RASGRP3: variants seen among roughly 807,000 people sequenced by gnomAD.
RASGRP3 encodes the protein RAS guanyl releasing protein 3.
A neutral mutation model predicts 82.7 loss-of-function variants in RASGRP3; 54 were observed. The ratio of observed to expected loss-of-function variants is 0.65; its 90% CI spans 0.52 to 0.82. The LOEUF (loss-of-function observed/expected upper bound fraction) is 0.82. RASGRP3 is among the 40% of genes least tolerant of loss of function. The probability of loss-of-function intolerance (pLI) is 0.00; values close to 1 mark genes in which losing one functional copy is unlikely to be tolerated. For synonymous variants in RASGRP3, 309 were observed against 300.5 expected, an observed-to-expected ratio of 1.03 and a Z score of -0.29; for missense variants, 861 against 828.9, an observed-to-expected ratio of 1.04 and a Z score of -0.48.
At chr2:33,455,345 C>T (rs1050838734) in intron 2 of RASGRP3, among the ~76,000 whole-genome samples, 21 of 152,172 alleles carry the variant, frequency 1.4e-4, no homozygotes, top group African/African-American at 4.1e-4. Flanking sequence ...GTTACTGTCC[C>T]TTGAGTGGAT....
chr2:33,522,470 G>A (rs78577498), intron 7 of RASGRP3, among the ~76,000 whole-genome samples: 7,076 of 152,238 alleles, frequency 0.046, 227 homozygotes, highest in South Asian at 0.12. Context: ...AGTTAGGTTC[G>A]GATTTGTATA....
chr2:33,519,202 A>G (rs948839138), intron 4 of RASGRP3, among the ~76,000 whole-genome samples: 1 of 152,214 alleles, frequency 6.6e-6, no homozygotes, highest in African/African-American at 2.4e-5. Context: ...GAATTTTTCA[A>G]TCCCACTATA....
intron 13 of RASGRP3, among the ~76,000 whole-genome samples, chr2:33,547,770 C>T (rs1674943680): frequency 2.0e-5 from 3 of 152,012 alleles, no homozygotes; most frequent in South Asian, 4.2e-4. Context: ...TTCAGGGACT[C>T]GCCTCCTACA....
intron 1 of RASGRP3, among the ~76,000 whole-genome samples, chr2:33,496,085 A>G (rs962569788): frequency 2.6e-5 from 4 of 152,248 alleles, no homozygotes; most frequent in Non-Finnish European, 5.9e-5. Context: ...TATGGCCCTA[A>G]CAAAAAATAT....
intron 17 of RASGRP3, among the ~76,000 whole-genome samples, chr2:33,561,976 TATC>T (rs1450338666): frequency 6.6e-6 from 1 of 152,172 alleles, no homozygotes; most frequent in Non-Finnish European, 1.5e-5. Context: ...AACAAATACT[TATC>T]ATAAAAGGGT....
chr2:33,494,943 C>G (rs986252201), intron 1 of RASGRP3, among the ~76,000 whole-genome samples: 1 of 152,166 alleles, frequency 6.6e-6, no homozygotes, highest in African/African-American at 2.4e-5. Flanking sequence ...GCAGAAATCT[C>G]CAAATTTACT....
intron 2 of RASGRP3, among the ~76,000 whole-genome samples, chr2:33,465,481 C>T (rs1666644454): frequency 6.6e-6 from 1 of 152,156 alleles, no homozygotes; most frequent in South Asian, 2.1e-4. Flanking sequence ...TATGATGACA[C>T]CACTGCACTC....
intron 2 of RASGRP3, among the ~76,000 whole-genome samples, chr2:33,450,814 C>CTTTTTT (rs1665745631): frequency 3.3e-5 from 1 of 30,658 alleles, no homozygotes; most frequent in Non-Finnish European, 7.9e-5. Flanking sequence ...TTTTCTCTTT[C>CTTTTTT]TTTCTTTCTT....
chr2:33,550,973 C>G (rs976007928), intron 14 of RASGRP3, among the ~76,000 whole-genome samples: 1 of 152,190 alleles, frequency 6.6e-6, no homozygotes. Context: ...TGAAGTTCTT[C>G]TTTAGTATCT....
At chr2:33,504,605 T>A (rs1670178169) in intron 1 of RASGRP3, among the ~76,000 whole-genome samples, 1 of 152,202 alleles carries the variant, frequency 6.6e-6, no homozygotes, top group Non-Finnish European at 1.5e-5. Flanking sequence ...AAAATTCTTG[T>A]TTTCAAATCC....
intron 1 of RASGRP3, among the ~76,000 whole-genome samples, chr2:33,508,167 T>A (rs969212323): frequency 5.3e-5 from 8 of 152,090 alleles, no homozygotes; most frequent in African/African-American, 1.9e-4. Context: ...GAGAAACAAG[T>A]TTGTGGGAGG....
At chr2:33,446,960 G>A (rs1326118400) in intron 1 of RASGRP3, among the ~76,000 whole-genome samples, 1 of 151,956 alleles carries the variant, frequency 6.6e-6, no homozygotes, top group African/African-American at 2.4e-5. Context: ...TGGCTAACGC[G>A]GTGAAACCCC....
intron 2 of RASGRP3, among the ~76,000 whole-genome samples, chr2:33,464,969 A>G (rs1666606571): frequency 6.6e-6 from 1 of 152,198 alleles, no homozygotes; most frequent in Admixed American, 6.5e-5. Context: ...TAGGCCAGTT[A>G]ATAATCTTAA....
chr2:33,512,113 G>A (rs570690792), intron 2 of RASGRP3, among the ~76,000 whole-genome samples: 2 of 152,338 alleles, frequency 1.3e-5, no homozygotes, highest in South Asian at 4.1e-4. Context: ...GCAGGTGACA[G>A]AAGGTGGAGC....
At chr2:33,439,406 G>A (rs1466386410) in intron 1 of RASGRP3, among the ~76,000 whole-genome samples, 1 of 152,120 alleles carries the variant, frequency 6.6e-6, no homozygotes. Flanking sequence ...GGACATCTAT[G>A]ATAAGAATGG....
intron 1 of RASGRP3, among the ~76,000 whole-genome samples, chr2:33,447,012 C>T (rs924356443): frequency 2.0e-5 from 3 of 147,434 alleles, no homozygotes; most frequent in African/African-American, 7.5e-5. Context: ...GTGTTGGTGG[C>T]GGGTGCCTGT....
intron 1 of RASGRP3, among the ~76,000 whole-genome samples, chr2:33,491,367 AAAAG>A (rs1217530843): frequency 1.3e-5 from 2 of 152,204 alleles, no homozygotes; most frequent in Non-Finnish European, 1.5e-5. Context: ...CCAGAAAAAA[AAAAG>A]AAACAAGATA....
chr2:33,505,422 C>G (rs888145759), intron 1 of RASGRP3, among the ~76,000 whole-genome samples: 1 of 151,888 alleles, frequency 6.6e-6, no homozygotes, highest in African/African-American at 2.4e-5. Context: ...CCTGCCTCAG[C>G]CTCCTGAGTA....
chr2:33,534,213 C>T, intron 10 of RASGRP3, 110 bp from the exon 11 acceptor site: 1 of 719,482 alleles, frequency 1.4e-6, no homozygotes, highest in Non-Finnish European at 2.4e-6. Context: ...TGCATTTACT[C>T]AAATTATTAG....
Sources: allele counts gnomAD v4.1 joint callset (sites outside exome capture counted in the v4.1 genomes callset), GRCh38; gene constraint gnomAD v4.1.1; transcripts MANE v1.5; gene names NCBI Gene and HGNC (gene_info 2026-07-23, HGNC 2026-07-21).